The following PAPPA variants were observed in gnomAD, a reference collection of about 807,000 sequenced individuals.
PAPPA encodes pappalysin 1.
Under a neutral mutation model 164.0 loss-of-function variants are expected in PAPPA, and 60 were observed. That is an observed-to-expected ratio of 0.37 (90% CI 0.30 to 0.45). The LOEUF (loss-of-function observed/expected upper bound fraction) is 0.45, where lower values mean the gene tolerates loss of function less well. Among genes scored for constraint, PAPPA ranks in the 20% least tolerant of loss-of-function variants. The pLI is 1.00. For synonymous variants in PAPPA, 875 were observed against 814.1 expected (o/e 1.07, Z -1.27); for missense variants, 1,782 against 2,087.3 (o/e 0.85, Z 2.85).
chr9:116,342,701 C>T (rs1414355943), intron 13 of PAPPA, among the ~76,000 whole-genome samples: 1 of 152,050 alleles, frequency 6.6e-6, no homozygotes, highest in South Asian at 2.1e-4. Flanking sequence ...ACTTTTCTGA[C>T]ACTGGTTTGG....
At chr9:116,178,448 A>T (rs931436929) in intron 1 of PAPPA, among the ~76,000 whole-genome samples, 1 of 152,196 alleles carries the variant, frequency 6.6e-6, no homozygotes, top group Non-Finnish European at 1.5e-5. Flanking sequence ...TAAAAAGTGT[A>T]GCTACAACAA....
At chr9:116,392,562 T>A (rs1449182548) in intron 21 of PAPPA, among the ~76,000 whole-genome samples, 4 of 152,346 alleles carry the variant, frequency 2.6e-5, no homozygotes, top group Non-Finnish European at 5.9e-5. Flanking sequence ...CATGAACAGG[T>A]GTCCCCAAGT....
At chr9:116,355,732 T>C (rs1846345362) in intron 17 of PAPPA, among the ~76,000 whole-genome samples, 1 of 152,166 alleles carries the variant, frequency 6.6e-6, no homozygotes, top group Admixed American at 6.5e-5. Flanking sequence ...GGCCAGTTTG[T>C]ATTTAAAGGA....
intron 5 of PAPPA, among the ~76,000 whole-genome samples, chr9:116,222,981 A>G (rs902069629): frequency 5.9e-5 from 9 of 152,242 alleles, no homozygotes; most frequent in Admixed American, 6.5e-5. Context: ...TATGTCAATT[A>G]AAAATAAAAT....
chr9:116,309,430 T>TTCA (rs1043242251), intron 10 of PAPPA, among the ~76,000 whole-genome samples: 4 of 152,148 alleles, frequency 2.6e-5, no homozygotes, highest in Non-Finnish European at 5.9e-5. Context: ...GGAGAAGCCA[T>TTCA]TCATCTGTGT....
intron 21 of PAPPA, 93 bp from the exon 22 acceptor site, chr9:116,396,416 C>T (rs1846963735): frequency 1.3e-6 from 1 of 749,094 alleles, no homozygotes; most frequent in African/African-American, 1.7e-5. Context: ...CCTTCTGCTC[C>T]TCAAATCCAG....
At chr9:116,337,779 T>C (rs1336161938) in intron 13 of PAPPA, among the ~76,000 whole-genome samples, 1 of 152,090 alleles carries the variant, frequency 6.6e-6, no homozygotes, top group African/African-American at 2.4e-5. Flanking sequence ...TGATGCCTAC[T>C]GTGCTGCCTT....
intron 18 of PAPPA, among the ~76,000 whole-genome samples, chr9:116,364,374 C>T (rs1265027989): frequency 2.0e-5 from 3 of 152,208 alleles, no homozygotes; most frequent in Non-Finnish European, 4.4e-5. Context: ...CATTCAAATA[C>T]ATTCACACGT....
At chr9:116,294,721 T>C (rs887664422) in intron 9 of PAPPA, among the ~76,000 whole-genome samples, 4 of 152,190 alleles carry the variant, frequency 2.6e-5, no homozygotes, top group African/African-American at 9.6e-5. Flanking sequence ...TTTGGAAGAA[T>C]TGTGATGTGG....
rs1846773255 is a variant in PAPPA at position 116,384,270 on chromosome 9, T to TTTAA, written c.4776+1778_4776+1779insTAAT. On this transcript the variant is annotated intron_variant, in intron 21 of 21. Transcript: ENST00000328252. ...GGCAGACCCTTGTCTCTACACGTAA[T>TTTAA]TAATAATAATAATAATAATAATAAT... is the stretch of plus-strand genomic sequence containing the variant. 5.1e-5 allele frequency among the ~76,000 whole-genome samples: 7 copies of TTTAA among 138,274 alleles called. No individual in the cohort carries two copies. The South Asian group carries it at 1.7e-3, about 33-fold the overall frequency. The allele number at this position is 138,274 out of a possible 152,430, so 90.7% of individuals were successfully genotyped here.
At chr9:116,329,526 C>G (rs1414712253) in intron 10 of PAPPA, among the ~76,000 whole-genome samples, 1 of 151,916 alleles carries the variant, frequency 6.6e-6, no homozygotes, top group African/African-American at 2.4e-5. Context: ...TTTCCTGACT[C>G]CCGGTGTCAT....
At chr9:116,258,088 A>G (rs1844953526) in intron 7 of PAPPA, among the ~76,000 whole-genome samples, 1 of 152,024 alleles carries the variant, frequency 6.6e-6, no homozygotes, top group Non-Finnish European at 1.5e-5. Flanking sequence ...GAAGACCTAA[A>G]TAAGTAAAAA....
intron 1 of PAPPA, among the ~76,000 whole-genome samples, chr9:116,157,051 A>G (rs1843612195): frequency 6.6e-6 from 1 of 152,156 alleles, no homozygotes; most frequent in East Asian, 1.9e-4. Flanking sequence ...CTCAGCAGGG[A>G]CCGCGCTGCT....
rs1044240425 is a variant in PAPPA, at chr9:116,154,709, C to G, written c.415+122C>G. ...GGGCGTGTCTGTGCGAGAGCTGCCCCGCGAGCGGCGCAGAGACATCCGGGC... is the reference window on the plus strand; with the variant it reads ...GGGCGTGTCTGTGCGAGAGCTGCCCGGCGAGCGGCGCAGAGACATCCGGGC... On this transcript the variant is annotated intron_variant, in intron 1 of 21. Coordinates refer to ENST00000328252, the MANE Select transcript of PAPPA (RefSeq NM_002581.5). The surrounding 1 kb of genome is among the most constrained non-coding windows in gnomAD (Gnocchi z 5.2). 9.6e-6 allele frequency: 11 copies of G among 1,143,706 alleles called. No homozygotes were observed. The highest frequency in any genetic ancestry group is 4.4e-6 in the Non-Finnish European group (4 of 913,144). The allele number at this position is 1,143,706 out of a possible 1,614,324, so 70.8% of individuals were successfully genotyped here. A position where few individuals can be genotyped will look rare whatever the true frequency, so the allele number is the denominator to read the frequency against.
chr9:116,263,628 C>A (rs1418554548), intron 7 of PAPPA, among the ~76,000 whole-genome samples: 1 of 152,118 alleles, frequency 6.6e-6, no homozygotes, highest in East Asian at 1.9e-4. Flanking sequence ...GCTTCATCTG[C>A]AGATAAATGC....
chr9:116,387,384 G>GTTC (rs1308372116), intron 21 of PAPPA, among the ~76,000 whole-genome samples: 1 of 152,090 alleles, frequency 6.6e-6, no homozygotes, highest in African/African-American at 2.4e-5. Flanking sequence ...TGTAGATGTT[G>GTTC]TTCTTTTTTC....
chr9:116,204,793 T>G (rs951972500), intron 2 of PAPPA, among the ~76,000 whole-genome samples: 1 of 152,186 alleles, frequency 6.6e-6, no homozygotes, highest in Non-Finnish European at 1.5e-5. Flanking sequence ...AAAATGTAAG[T>G]CACATGGCCA....
At chr9:116,378,749 C>G (rs932032093) in intron 20 of PAPPA, among the ~76,000 whole-genome samples, 1 of 152,176 alleles carries the variant, frequency 6.6e-6, no homozygotes, top group African/African-American at 2.4e-5. Context: ...GTTTGCACAG[C>G]ATGATAACCA....
intron 21 of PAPPA, among the ~76,000 whole-genome samples, chr9:116,392,106 A>ATAGT (rs1463546355): frequency 6.6e-6 from 1 of 152,220 alleles, no homozygotes; most frequent in Non-Finnish European, 1.5e-5. Flanking sequence ...GATAGTAAGA[A>ATAGT]TAGTTACCTC....
Sources: allele counts gnomAD v4.1 joint callset (sites outside exome capture counted in the v4.1 genomes callset), GRCh38; gene constraint gnomAD v4.1.1; non-coding constraint Gnocchi (gnomAD v3.1); transcripts MANE v1.5; gene names NCBI Gene and HGNC (gene_info 2026-07-23, HGNC 2026-07-21).